Variants in GULP1 observed in about 807,000 individuals in gnomAD.
The protein encoded by GULP1 is PTB domain-containing engulfment adapter protein 1.
In GULP1, 19 loss-of-function variants were observed where a neutral mutation model predicts 40.9. The observed-to-expected ratio is 0.46, with a 90% CI of 0.32 to 0.68. The LOEUF (loss-of-function observed/expected upper bound fraction) is 0.68, where lower values mean the gene tolerates loss of function less well. Ranked by LOEUF, GULP1 falls within the 30% of genes least tolerant of loss-of-function variation. The pLI is 0.03. For missense variants in GULP1, 312 were observed against 362.2 expected, an observed-to-expected ratio of 0.86 and a Z score of 1.12; for synonymous variants, 119 against 117.6, an observed-to-expected ratio of 1.01 and a Z score of -0.08.
At chr2:188,376,779 T>G (rs2048342850) in intron 1 of GULP1, among the ~76,000 whole-genome samples, 1 of 152,214 alleles carries the variant, frequency 6.6e-6, no homozygotes, top group Non-Finnish European at 1.5e-5. Flanking sequence ...GAAGTCTATG[T>G]TGACATATCT....
chr2:188,434,488 C>CTCT (rs992709985), intron 2 of GULP1, among the ~76,000 whole-genome samples: 1 of 150,406 alleles, frequency 6.6e-6, no homozygotes, highest in African/African-American at 2.4e-5. Context: ...TCCATTCTGC[C>CTCT]TCTTGTTTTG....
chr2:188,434,260 T>A (rs2152832930), intron 2 of GULP1, among the ~76,000 whole-genome samples: 1 of 151,940 alleles, frequency 6.6e-6, no homozygotes, highest in Non-Finnish European at 1.5e-5. Flanking sequence ...GATTACAGTC[T>A]ATTTTTCTTT....
intron 1 of GULP1, chr2:188,294,307 T>A (rs557038313): frequency 1.3e-5 from 2 of 152,212 alleles, no homozygotes; most frequent in East Asian, 1.9e-4. Flanking sequence ...GGAATTAAAG[T>A]AGAAACGTAT....
In GULP1 at chr2:188,583,532, G is replaced by T. The variant is rs187852417; in HGVS notation, c.610-733G>T. On this transcript the variant is annotated intron_variant, in intron 9 of 11. Transcript: ENST00000409830. Reference sequence around the variant, plus strand: ...TACAAAGTGATAAATGTCTAATTTTGATATTACTTCTTGGCTACATTTTCA... The same window carrying T: ...TACAAAGTGATAAATGTCTAATTTTTATATTACTTCTTGGCTACATTTTCA... Among the ~76,000 whole-genome samples the T allele has an allele frequency of 9.6e-3, 1,453 of 152,128 alleles. 14 individuals are homozygous for T. The highest frequency in any genetic ancestry group is 0.013 in the Non-Finnish European group (865 of 67,970).
At chr2:188,469,794 C>T (rs1053090876) in intron 2 of GULP1, among the ~76,000 whole-genome samples, 26 of 152,062 alleles carry the variant, frequency 1.7e-4, no homozygotes, top group African/African-American at 5.8e-4. Context: ...GCTTTTTTAG[C>T]ATCTATTGAA....
At chr2:188,495,575 A>G (rs1009519629) in intron 4 of GULP1, among the ~76,000 whole-genome samples, 1 of 152,108 alleles carries the variant, frequency 6.6e-6, no homozygotes, top group Non-Finnish European at 1.5e-5. Context: ...AAGGCTGTGT[A>G]CTATAAGCAA....
intron 4 of GULP1, among the ~76,000 whole-genome samples, chr2:188,504,033 T>C (rs2063684626): frequency 6.6e-6 from 1 of 151,924 alleles, no homozygotes; most frequent in African/African-American, 2.4e-5. Flanking sequence ...TTTTTTTCCC[T>C]GATAATTACC....
At chr2:188,529,261 A>G in intron 6 of GULP1, 66 bp downstream of exon 6, 1 of 796,584 alleles carries the variant, frequency 1.3e-6, no homozygotes, top group Non-Finnish European at 2.1e-6. Context: ...CTACTTTAAC[A>G]AATATTTAAA....
intron 2 of GULP1, among the ~76,000 whole-genome samples, chr2:188,389,518 G>A (rs187069697): frequency 1.4e-3 from 218 of 152,196 alleles, no homozygotes; most frequent in African/African-American, 4.8e-3. Flanking sequence ...TGAGATAAAT[G>A]TATTATGAGT....
At chr2:188,463,244 G>T (rs2059855403) in intron 2 of GULP1, among the ~76,000 whole-genome samples, 1 of 152,014 alleles carries the variant, frequency 6.6e-6, no homozygotes, top group Non-Finnish European at 1.5e-5. Context: ...TCTGGTAAAA[G>T]GTTTATTTCT....
At chr2:188,434,279 T>C (rs991688892) in intron 2 of GULP1, among the ~76,000 whole-genome samples, 23 of 151,656 alleles carry the variant, frequency 1.5e-4, no homozygotes, top group Admixed American at 1.2e-3. Context: ...TTCTCCTTTA[T>C]AAAAAATGCC....
chr2:188,396,123 G>T (rs531847916), intron 2 of GULP1, among the ~76,000 whole-genome samples: 1 of 152,226 alleles, frequency 6.6e-6, no homozygotes, highest in African/African-American at 2.4e-5. Flanking sequence ...GGTGGCGCTT[G>T]CAGAAGAGTG....
intron 6 of GULP1, among the ~76,000 whole-genome samples, chr2:188,532,887 C>G (rs1166577546): frequency 6.6e-6 from 1 of 152,040 alleles, no homozygotes; most frequent in East Asian, 1.9e-4. Context: ...CGCCACTGCA[C>G]TCCAGCACAG....
At chr2:188,433,119 C>T (rs911418435) in intron 2 of GULP1, among the ~76,000 whole-genome samples, 2 of 152,030 alleles carry the variant, frequency 1.3e-5, no homozygotes, top group Non-Finnish European at 2.9e-5. Context: ...AAAATGTGTA[C>T]ACTAGAAGAC....
In GULP1 at chr2:188,584,554, T is replaced by G. The variant is rs1701980455; in HGVS notation, c.748+151T>G. 1 of 405,736 alleles carries G rather than the reference T, an allele frequency of 2.5e-6. No individual in the cohort carries two copies. The highest frequency in any genetic ancestry group is 4.3e-6 in the Non-Finnish European group (1 of 232,598). The allele number at this position is 405,736 out of a possible 1,614,324, so 25.1% of individuals were successfully genotyped here. ...ATTTTTATATTTGTATAAATTTCCA[T>G]TAATTCTATTTTACTTTATAATTCA... On this transcript the variant is annotated intron_variant, in intron 10 of 11. Coordinates refer to ENST00000409830, the MANE Select transcript of GULP1 (RefSeq NM_016315.4).
At chr2:188,363,604 G>C (rs933230193) in intron 1 of GULP1, among the ~76,000 whole-genome samples, 2 of 152,092 alleles carry the variant, frequency 1.3e-5, no homozygotes, top group African/African-American at 4.8e-5. Flanking sequence ...AAGGCAAAGG[G>C]TTATTAATCT....
chr2:188,581,402 A>G (rs897575664), intron 9 of GULP1, among the ~76,000 whole-genome samples: 1 of 152,160 alleles, frequency 6.6e-6, no homozygotes, highest in Non-Finnish European at 1.5e-5. Flanking sequence ...TGGAGCATTG[A>G]TGGAGCAGGC....
At chr2:188,334,762 A>G (rs982305971) in intron 1 of GULP1, among the ~76,000 whole-genome samples, 1 of 152,252 alleles carries the variant, frequency 6.6e-6, no homozygotes. Flanking sequence ...CAAAGCTATT[A>G]TAAAATTAAA....
At chr2:188,570,985 T>C (rs1318638958) in intron 9 of GULP1, among the ~76,000 whole-genome samples, 1 of 152,020 alleles carries the variant, frequency 6.6e-6, no homozygotes, top group Non-Finnish European at 1.5e-5. Flanking sequence ...GGTGAAACCT[T>C]GTCTCTACAA....
Sources: allele counts gnomAD v4.1 joint callset (sites outside exome capture counted in the v4.1 genomes callset), GRCh38; gene constraint gnomAD v4.1.1; transcripts MANE v1.5; gene names NCBI Gene and HGNC (gene_info 2026-07-23, HGNC 2026-07-21).